Variants in LONP1 observed in about 807,000 individuals in gnomAD.
LONP1 encodes the protein lon protease homolog, mitochondrial.
In LONP1, 31 loss-of-function variants were observed where a neutral mutation model predicts 98.5. The observed-to-expected ratio is 0.31, with a 90% CI of 0.24 to 0.42. The LOEUF (loss-of-function observed/expected upper bound fraction) is 0.42, where lower values mean the gene tolerates loss of function less well. Ranked by LOEUF, LONP1 falls within the 20% of genes least tolerant of loss-of-function variation. The pLI is 1.00. For missense variants in LONP1, 1,336 were observed against 1,350.6 expected, an observed-to-expected ratio of 0.99 and a Z score of 0.17; for synonymous variants, 781 against 594.7, an observed-to-expected ratio of 1.31 and a Z score of -4.56.
intron 1 of LONP1, 95 bp downstream of exon 1, chr19:5,719,609 A>G: frequency 6.3e-7 from 1 of 1,589,100 alleles, no homozygotes; most frequent in Non-Finnish European, 8.6e-7. Context: ...TGTCTGAAAA[A>G]GTTGCGAAAC....
Position 5,693,625 on chromosome 19 carries a change from C to G in LONP1, c.2465G>C (p.Arg822Thr). 3 of 1,614,114 alleles carry G rather than the reference C, an allele frequency of 1.9e-6. No homozygotes were observed. The highest frequency in any genetic ancestry group is 1.1e-5 in the South Asian group (1 of 91,084). Reference protein sequence around the residue: ...ESARIAYTFARAFLMQHAPAN... With the variant: ...ESARIAYTFATAFLMQHAPAN... Reference sequence around the variant, plus strand: ...GGGGGCGTGCTGCATGAGGAAGGCTCTGGCGAAGGTGTAGGCTATGCGGGC... The same window carrying G: ...GGGGGCGTGCTGCATGAGGAAGGCTGTGGCGAAGGTGTAGGCTATGCGGGC... Residue 822 changes from arginine (R) to threonine (T), a missense_variant, in exon 16 of 18, where the codon AGA (arginine) becomes ACA (threonine). Around this residue, in one of 5 missense-constraint regions of LONP1, gnomAD observed 555 missense variants for 542.6 expected, o/e 1.02. Coordinates refer to ENST00000360614, the MANE Select transcript of LONP1 (RefSeq NM_004793.4).
At chr19:5,703,709 A>G (rs7258232) in intron 8 of LONP1, among the ~76,000 whole-genome samples, 1 of 151,744 alleles carries the variant, frequency 6.6e-6, no homozygotes, top group African/African-American at 2.4e-5. Context: ...TGGAAGTGAC[A>G]CAGGCAGTGA....
At chr19:5,717,016 G>C (rs948012450) in intron 1 of LONP1, among the ~76,000 whole-genome samples, 1 of 152,104 alleles carries the variant, frequency 6.6e-6, no homozygotes, top group African/African-American at 2.4e-5. Flanking sequence ...GTATGGTCTC[G>C]ATCTCCTGAC....
At position 5,708,358 on chromosome 19, in the gene LONP1, A is replaced by T; in HGVS notation, c.916T>A (p.Leu306Met). 1 of 1,416,564 alleles carries T rather than the reference A, an allele frequency of 7.1e-7. No homozygotes were observed. Among genetic ancestry groups the T allele is most frequent in the Non-Finnish European group, 9.5e-7 (1 of 1,053,784 alleles). The allele number at this position is 1,416,564 out of a possible 1,614,324, so 87.7% of individuals were successfully genotyped here. The change falls in exon 5 of 18, where the codon TTG becomes ATG. Residue 306 changes from leucine (L) to methionine (M), a missense_variant. Transcript: ENST00000360614. ...IVKTIRDIIA[L>M]NPLYRESVLQ... ...GAGGCCCACCTGTAGAGAGGGTTCA[A>T]GGCAATGATGTCCCGGATGGTCTTC...
At position 5,720,013 on chromosome 19, in the gene LONP1, G is replaced by C. The variant is rs1461973740; in HGVS notation, c.120C>G (p.Leu40=). 3 of 1,571,294 alleles carry C rather than the reference G, an allele frequency of 1.9e-6. No individual in the cohort carries two copies. The highest frequency in any genetic ancestry group is 1.8e-4 in the Middle Eastern group (1 of 5,414). ...AGGCGTCGCAGGTCCGCTGGCCTCGGAGCAACCACGCTCCTGCTGCAGTGG... is the reference window on the plus strand; with the variant it reads ...AGGCGTCGCAGGTCCGCTGGCCTCGCAGCAACCACGCTCCTGCTGCAGTGG... The part of the protein sequence containing the change: ...RVPTAAGAWL[L]RGQRTCDASP... Residue 40 remains leucine (L), a synonymous_variant, in exon 1 of 18, where the codon CTC becomes CTG. Coordinates refer to ENST00000360614, the MANE Select transcript of LONP1 (RefSeq NM_004793.4).
chr19:5,716,259 C>CATACATATATATATAT (rs1555714148), intron 1 of LONP1, among the ~76,000 whole-genome samples: 7 of 77,228 alleles, frequency 9.1e-5, no homozygotes, highest in Non-Finnish European at 1.6e-4. Context: ...TTAAAATATA[C>CATACATATATATATAT]ATATATATAT....
At chr19:5,695,601 G>A (rs1244983674) in intron 13 of LONP1, among the ~76,000 whole-genome samples, 1 of 152,160 alleles carries the variant, frequency 6.6e-6, no homozygotes, top group Non-Finnish European at 1.5e-5. Context: ...TCCTAGGGGA[G>A]AAATGCACTC....
intron 8 of LONP1, among the ~76,000 whole-genome samples, chr19:5,702,689 C>T (rs1390851012): frequency 1.3e-5 from 2 of 152,028 alleles, no homozygotes; most frequent in Admixed American, 1.3e-4. Context: ...ATTCTTCTGC[C>T]TTGGGATCCT....
chr19:5,713,357 A>C, intron 2 of LONP1, 104 bp from the exon 3 acceptor site: 1 of 1,411,956 alleles, frequency 7.1e-7, no homozygotes, highest in Non-Finnish European at 9.9e-7. Flanking sequence ...GCCCCTACCA[A>C]ATGCTACTGA....
At chr19:5,714,307 T>A in intron 1 of LONP1, 36 bp from the exon 2 acceptor site, 2 of 1,485,010 alleles carry the variant, frequency 1.3e-6, no homozygotes, top group Non-Finnish European at 1.9e-6. Context: ...AAATGCAGAG[T>A]AGATTTTTTT....
At position 5,707,076 on chromosome 19, in the gene LONP1, T is replaced by C; in HGVS notation, c.1130A>G (p.Gln377Arg). 6.2e-7 allele frequency: 1 copy of C among 1,612,202 alleles called. No individual in the cohort carries two copies. The change falls in exon 7 of 18, where the codon CAG becomes CGG. Residue 377 changes from glutamine to arginine, a missense_variant. Coordinates refer to ENST00000360614, the MANE Select transcript of LONP1 (RefSeq NM_004793.4). ...CGGGCTCACCTCCCGCCCCAGGCGC[T>C]GCTGCAGCTTGCTCAGTTCAAATTC... Reference protein sequence around the residue: ...KKEFELSKLQQRLGREVEEKI... With the variant: ...KKEFELSKLQRRLGREVEEKI...
intron 1 of LONP1, among the ~76,000 whole-genome samples, chr19:5,718,781 A>G (rs1216878863): frequency 6.6e-6 from 1 of 151,540 alleles, no homozygotes; most frequent in Non-Finnish European, 1.5e-5. Flanking sequence ...CCTTACACTC[A>G]CTGCTTTCTC....
intron 1 of LONP1, among the ~76,000 whole-genome samples, chr19:5,718,981 A>G (rs150758084): frequency 3.9e-4 from 60 of 152,146 alleles, no homozygotes; most frequent in Non-Finnish European, 7.2e-4. Context: ...ATGCTCTACT[A>G]TTTCTCGTAA....
In LONP1 at chr19:5,699,087, C is replaced by T. The variant is rs748047263; in HGVS notation, c.1625G>A (p.Arg542Gln). Residue 542 changes from arginine to glutamine, a missense_variant, in exon 10 of 18, where the codon CGA becomes CAA. Arg to Gln is a conservative substitution (Grantham distance 43). Around this residue, in one of 5 missense-constraint regions of LONP1, gnomAD observed 219 missense variants for 241.0 expected, o/e 0.91. Coordinates refer to ENST00000360614, the MANE Select transcript of LONP1 (RefSeq NM_004793.4). The stretch of plus-strand genomic sequence containing the variant: ...CCCGACGCTGAAGCGGAAGTACTCT[C>T]GGTTCAGGGCGCGGGCGATGGAGCG... ...IARSIARALN[R>Q]EYFRFSVGGM... The T allele has an allele frequency of 8.1e-6, 13 of 1,606,850 alleles. No individual in the cohort carries two copies. Among genetic ancestry groups the T allele is most frequent in the African/African-American group, 1.3e-5 (1 of 74,660 alleles).
intron 1 of LONP1, among the ~76,000 whole-genome samples, chr19:5,716,340 G>A (rs1178491104): frequency 3.0e-5 from 4 of 135,534 alleles, no homozygotes; most frequent in African/African-American, 1.1e-4. Flanking sequence ...AGGATGACCT[G>A]AAGGACTTTA....
chr19:5,717,037 G>A (rs1197467990), intron 1 of LONP1, among the ~76,000 whole-genome samples: 1 of 152,056 alleles, frequency 6.6e-6, no homozygotes, highest in African/African-American at 2.4e-5. Context: ...CTCGTGATCC[G>A]CCCACCTCAG....
chr19:5,696,707 T>G lies in LONP1; in HGVS notation c.1736A>C (p.Lys579Thr), dbSNP rs200147790. The change falls in exon 11 of 18, where the codon AAG (lysine) becomes ACG (threonine). Residue 579 changes from lysine to threonine, a missense_variant. By Grantham distance (78) the Lys-to-Thr change is moderately conservative. This residue lies in a region of LONP1 where 555 missense variants were observed against 542.6 expected (regional missense o/e 1.02). Transcript: ENST00000360614. ...MPGKIIQCLKKTKTENPLILI... is the reference protein window; with the variant it reads ...MPGKIIQCLKTTKTENPLILI... ...GATCAGGGGGTTCTCCGTCTTGGTC[T>G]TCTTCAAACACTGGATGATCTTCCC... 22 of 1,613,678 alleles carry G rather than the reference T, an allele frequency of 1.4e-5. No homozygotes were observed. The highest frequency in any genetic ancestry group is 4.5e-5 in the East Asian group (2 of 44,874).
chr19:5,718,085 A>G (rs1463266778), intron 1 of LONP1, among the ~76,000 whole-genome samples: 1 of 152,110 alleles, frequency 6.6e-6, no homozygotes, highest in African/African-American at 2.4e-5. Flanking sequence ...AGAAGAGGGA[A>G]GCCAAAGGAA....
At chr19:5,704,001 G>A (rs147566341) in intron 8 of LONP1, among the ~76,000 whole-genome samples, 55 of 152,328 alleles carry the variant, frequency 3.6e-4, no homozygotes, top group African/African-American at 1.3e-3. Flanking sequence ...CACAGGAGGC[G>A]GCGGCACAGG....
Sources: allele counts gnomAD v4.1 joint callset (sites outside exome capture counted in the v4.1 genomes callset), GRCh38; gene constraint gnomAD v4.1.1; regional missense constraint gnomAD v4.1.1; transcripts MANE v1.5; gene names NCBI Gene and HGNC (gene_info 2026-07-23, HGNC 2026-07-21).